The following SRGAP3 variants were observed in gnomAD, a reference collection of about 807,000 sequenced individuals.
The protein encoded by SRGAP3 is SLIT-ROBO Rho GTPase activating protein 3, also known as SLIT-ROBO Rho GTPase-activating protein 3.
Under a neutral mutation model 121.1 loss-of-function variants are expected in SRGAP3, and 39 were observed. The observed-to-expected ratio is 0.32, with a 90% CI of 0.25 to 0.42. The LOEUF (loss-of-function observed/expected upper bound fraction) is 0.42. SRGAP3 is among the 10% of genes least tolerant of loss of function. SRGAP3 has a pLI of 1.00. For missense variants in SRGAP3, 1,213 were observed against 1,470.6 expected (o/e 0.82, Z 2.86); for synonymous variants, 601 against 570.0 (o/e 1.05, Z -0.77).
chr3:9,008,588 G>T (rs964274790), intron 18 of SRGAP3, among the ~76,000 whole-genome samples: 1 of 152,020 alleles, frequency 6.6e-6, no homozygotes, highest in African/African-American at 2.4e-5. Context: ...GGAGGTGGTC[G>T]GCAGAAGAAA....
At chr3:9,345,019 G>C (rs958808586) in intron 1 of SRGAP3, among the ~76,000 whole-genome samples, 5 of 151,682 alleles carry the variant, frequency 3.3e-5, no homozygotes, top group African/African-American at 1.2e-4. Flanking sequence ...CCTGGTGACA[G>C]AGCGAGACTC....
intron 3 of SRGAP3, among the ~76,000 whole-genome samples, chr3:9,086,577 ATG>A (rs1191268635): frequency 1.3e-5 from 2 of 149,918 alleles, no homozygotes; most frequent in South Asian, 2.1e-4. Flanking sequence ...GGGTGTGTAT[ATG>A]TGTGTGTGTA....
At chr3:9,256,437 ACTG>A (rs1344686210) in intron 3 of SRGAP3, among the ~76,000 whole-genome samples, 5 of 152,208 alleles carry the variant, frequency 3.3e-5, no homozygotes, top group Non-Finnish European at 5.9e-5. Context: ...TGGCTCTGCA[ACTG>A]CCTAGGAGAG....
At chr3:9,340,998 T>A (rs1243412340) in intron 1 of SRGAP3, among the ~76,000 whole-genome samples, 1 of 152,116 alleles carries the variant, frequency 6.6e-6, no homozygotes, top group African/African-American at 2.4e-5. Context: ...TATGGCTGGG[T>A]TTTGGTGAGG....
At chr3:9,126,749 T>C (rs1473556502) in intron 1 of SRGAP3, among the ~76,000 whole-genome samples, 1 of 150,128 alleles carries the variant, frequency 6.7e-6, no homozygotes, top group East Asian at 1.9e-4. Context: ...CAGTGTGGAA[T>C]GCTAGAGAAC....
chr3:9,339,476 C>A (rs1412117268), intron 1 of SRGAP3, among the ~76,000 whole-genome samples: 2 of 152,178 alleles, frequency 1.3e-5, no homozygotes, highest in Non-Finnish European at 2.9e-5. Context: ...TCAGAGGACA[C>A]AAACTCAAGT....
chr3:9,153,710 A>G (rs1950290355), intron 1 of SRGAP3, among the ~76,000 whole-genome samples: 1 of 151,588 alleles, frequency 6.6e-6, no homozygotes, highest in South Asian at 2.1e-4. Flanking sequence ...TGACAAAAAG[A>G]TCTTTTAAAT....
At chr3:9,007,133 T>G (rs986488418) in intron 18 of SRGAP3, 2 of 151,874 alleles carry the variant, frequency 1.3e-5, no homozygotes, top group Non-Finnish European at 2.9e-5. Flanking sequence ...GGCTAATTTT[T>G]GTATTTTGGT....
chr3:9,228,952 C>T (rs1299452740), intron 1 of SRGAP3, among the ~76,000 whole-genome samples: 1 of 151,458 alleles, frequency 6.6e-6, no homozygotes, highest in Non-Finnish European at 1.5e-5. Flanking sequence ...GTCCCAGCTA[C>T]TCGGGAGGCT....
rs1948753725 is a variant in SRGAP3 at position 9,114,987 on chromosome 3, A to G, written c.260+9738T>C. On this transcript the variant is annotated intron_variant, in intron 2 of 21. Transcript: ENST00000383836. The stretch of plus-strand genomic sequence containing the variant: ...TTTATCTTTCTAGGTGAAGACACTG[A>G]GTTTTCAAGAAATTAAGTCATTTGC... Among the ~76,000 whole-genome samples, 3 of 152,248 alleles carry G rather than the reference A, an allele frequency of 2.0e-5. No individual in the cohort carries two copies. In the South Asian group the frequency reaches 6.2e-4, roughly 32 times the overall value.
chr3:9,131,433 C>CTT (rs869155697), intron 1 of SRGAP3, among the ~76,000 whole-genome samples: 2,106 of 90,122 alleles, frequency 0.023, 33 homozygotes, highest in Non-Finnish European at 0.026. Context: ...AGATCTAATT[C>CTT]TTTTTTTTTT....
intron 4 of SRGAP3, among the ~76,000 whole-genome samples, chr3:9,076,154 A>G (rs1473370273): frequency 1.3e-5 from 2 of 152,186 alleles, no homozygotes; most frequent in Non-Finnish European, 2.9e-5. Context: ...AGAAAACTGC[A>G]GCCACAGGAG....
intron 3 of SRGAP3, among the ~76,000 whole-genome samples, chr3:9,297,946 T>C (rs535762454): frequency 6.0e-5 from 9 of 150,464 alleles, no homozygotes; most frequent in East Asian, 3.9e-4. Flanking sequence ...TAGATGTGCA[T>C]TGAAGGAAGA....
intron 10 of SRGAP3, among the ~76,000 whole-genome samples, chr3:9,042,438 G>GAAAAAAAAAA (rs3070001): frequency 7.5e-6 from 1 of 132,752 alleles, no homozygotes. Context: ...TTTATTTACA[G>GAAAAAAAAAA]AAAAAAAAAA....
intron 3 of SRGAP3, among the ~76,000 whole-genome samples, chr3:9,097,850 CA>C (rs1450720064): frequency 6.6e-6 from 1 of 152,180 alleles, no homozygotes; most frequent in East Asian, 1.9e-4. Flanking sequence ...TAGCTCAGGA[CA>C]ACTCTGAAGG....
intron 1 of SRGAP3, among the ~76,000 whole-genome samples, chr3:9,238,399 G>A (rs1438063894): frequency 6.6e-6 from 1 of 152,146 alleles, no homozygotes; most frequent in Non-Finnish European, 1.5e-5. Context: ...TTTTTCAAAA[G>A]TCCTTAGGGA....
At chr3:9,041,694 G>A (rs1284080329) in intron 10 of SRGAP3, among the ~76,000 whole-genome samples, 1 of 152,188 alleles carries the variant, frequency 6.6e-6, no homozygotes. Flanking sequence ...AATGCTCTCC[G>A]TTTCCTAATA....
At chr3:9,129,622 T>C (rs77959599) in intron 1 of SRGAP3, among the ~76,000 whole-genome samples, 3,344 of 152,042 alleles carry the variant, frequency 0.022, 134 homozygotes, top group African/African-American at 0.077. Context: ...GCTGTTTGGG[T>C]TTTTTTGTTT....
intron 1 of SRGAP3, among the ~76,000 whole-genome samples, chr3:9,145,713 A>G (rs1472125506): frequency 6.6e-6 from 1 of 152,216 alleles, no homozygotes; most frequent in African/African-American, 2.4e-5. Context: ...ACACAAAAGA[A>G]GAACATCAAG....
Sources: allele counts gnomAD v4.1 joint callset (sites outside exome capture counted in the v4.1 genomes callset), GRCh38; gene constraint gnomAD v4.1.1; transcripts MANE v1.5; gene names NCBI Gene and HGNC (gene_info 2026-07-23, HGNC 2026-07-21).